Variants in MEIKIN observed in about 807,000 individuals in gnomAD.
MEIKIN encodes meiosis-specific kinetochore protein.
chr5:131,901,413 C>G (rs757691111), intron 8 of MEIKIN, among the ~76,000 whole-genome samples: 107 of 152,272 alleles, frequency 7.0e-4, no homozygotes, highest in Non-Finnish European at 1.0e-3. Context: ...CCTGTTCCCC[C>G]CTGTGCCATG....
At chr5:131,860,754 CTTTTTTTTTTTTT>C (rs35117395) in intron 9 of MEIKIN, among the ~76,000 whole-genome samples, 3 of 51,014 alleles carry the variant, frequency 5.9e-5, no homozygotes, top group African/African-American at 2.6e-4. Context: ...GCCTGTTTGG[CTTTTTTTTTTTTT>C]TTTTTTTTTT....
chr5:131,939,371 CTT>C (rs544899220), intron 4 of MEIKIN, among the ~76,000 whole-genome samples: 2 of 143,306 alleles, frequency 1.4e-5, no homozygotes. Flanking sequence ...TAGTTTTCAG[CTT>C]TTTTTTTTTT....
chr5:131,941,237 C>T (rs757769766), intron 4 of MEIKIN, among the ~76,000 whole-genome samples: 9 of 130,524 alleles, frequency 6.9e-5, no homozygotes, highest in Non-Finnish European at 1.1e-4. Flanking sequence ...TGGCTCACTG[C>T]AACCTCCGCC....
chr5:131,859,791 A>G (rs146067167), intron 9 of MEIKIN, among the ~76,000 whole-genome samples: 5 of 152,262 alleles, frequency 3.3e-5, no homozygotes, highest in African/African-American at 9.6e-5. Flanking sequence ...TTTTCTGAGC[A>G]TCGTTTACTG....
intron 12 of MEIKIN, among the ~76,000 whole-genome samples, chr5:131,813,842 T>C (rs1310539329): frequency 1.3e-5 from 2 of 152,060 alleles, no homozygotes; most frequent in Non-Finnish European, 2.9e-5. Context: ...ACAATATATA[T>C]ACATAAAAGG....
rs555213968 is a variant in MEIKIN at position 131,945,653 on chromosome 5, G to A, written c.-148C>T. On this transcript the variant is annotated 5_prime_UTR_variant, in exon 1 of 13. Transcript: ENST00000442687. ...AGCAACTAATCGAGCGAAAGCAAAA[G>A]CCCCAGAACTGGAGCCGCCGGGCCT... 6 of 394,640 alleles carry A rather than the reference G, an allele frequency of 1.5e-5. No homozygotes were observed. Among genetic ancestry groups the A allele is most frequent in the African/African-American group, 1.0e-4 (5 of 48,612 alleles). The allele number at this position is 394,640 out of a possible 1,614,324, so 24.4% of individuals were successfully genotyped here.
chr5:131,874,945 A>C (rs1029834491), intron 9 of MEIKIN, among the ~76,000 whole-genome samples: 3 of 152,118 alleles, frequency 2.0e-5, no homozygotes, highest in Non-Finnish European at 2.9e-5. Flanking sequence ...ATTCAACAAC[A>C]CTTCATGCTA....
At chr5:131,816,084 A>G (rs1264128637) in intron 12 of MEIKIN, among the ~76,000 whole-genome samples, 1 of 152,254 alleles carries the variant, frequency 6.6e-6, no homozygotes, top group African/African-American at 2.4e-5. Context: ...GAAACTTTGT[A>G]TCCTCTTCTG....
At chr5:131,895,316 C>T (rs192788869) in intron 8 of MEIKIN, among the ~76,000 whole-genome samples, 10 of 152,264 alleles carry the variant, frequency 6.6e-5, no homozygotes, top group Admixed American at 2.0e-4. Flanking sequence ...ATTTTCACAT[C>T]GATGTTCATC....
intron 8 of MEIKIN, among the ~76,000 whole-genome samples, chr5:131,903,271 C>T (rs527715971): frequency 1.3e-5 from 2 of 152,118 alleles, no homozygotes; most frequent in Admixed American, 1.3e-4. Flanking sequence ...ACTAGAGAGG[C>T]CAACATTCAA....
chr5:131,926,320 T>C (rs1425341892), intron 5 of MEIKIN, among the ~76,000 whole-genome samples: 1 of 152,222 alleles, frequency 6.6e-6, no homozygotes, highest in Non-Finnish European at 1.5e-5. Flanking sequence ...TTCATTCTGT[T>C]AATGTAGTGT....
chr5:131,875,677 G>A (rs907471353), intron 9 of MEIKIN, among the ~76,000 whole-genome samples: 7 of 152,122 alleles, frequency 4.6e-5, no homozygotes, highest in Non-Finnish European at 8.8e-5. Context: ...AAAAGAGCCC[G>A]CATCGCCAAG....
chr5:131,819,816 C>T, intron 11 of MEIKIN, among the ~76,000 whole-genome samples: 1 of 130,542 alleles, frequency 7.7e-6, no homozygotes, highest in East Asian at 2.2e-4. Flanking sequence ...CGCTCTGTCG[C>T]CCAGGCTGGA....
intron 7 of MEIKIN, among the ~76,000 whole-genome samples, chr5:131,912,567 T>C (rs558256049): frequency 3.9e-5 from 6 of 152,186 alleles, no homozygotes; most frequent in South Asian, 2.1e-4. Flanking sequence ...GAAAACCAAA[T>C]GTGAGAAGGG....
chr5:131,888,982 G>A (rs1750855541), intron 8 of MEIKIN, among the ~76,000 whole-genome samples: 2 of 152,150 alleles, frequency 1.3e-5, no homozygotes, highest in South Asian at 4.1e-4. Context: ...TTTTCCCATT[G>A]CTTGTTTATG....
intron 8 of MEIKIN, among the ~76,000 whole-genome samples, chr5:131,892,773 TGGA>T (rs1425963391): frequency 2.0e-5 from 3 of 152,234 alleles, no homozygotes; most frequent in African/African-American, 4.8e-5. Flanking sequence ...TGCGTTCCTT[TGGA>T]GGAGGAGAGG....
intron 5 of MEIKIN, among the ~76,000 whole-genome samples, chr5:131,923,309 T>C (rs1276318659): frequency 6.6e-6 from 1 of 152,212 alleles, no homozygotes; most frequent in Non-Finnish European, 1.5e-5. Flanking sequence ...TTTCATCTAC[T>C]GTACTAGGCA....
intron 9 of MEIKIN, among the ~76,000 whole-genome samples, chr5:131,866,676 G>T (rs562575631): frequency 6.6e-6 from 1 of 152,194 alleles, no homozygotes; most frequent in Non-Finnish European, 1.5e-5. Flanking sequence ...GTCTGTGGCT[G>T]CCTCTTCAGC....
intron 4 of MEIKIN, among the ~76,000 whole-genome samples, chr5:131,936,096 A>C (rs1355988549): frequency 6.6e-6 from 1 of 152,148 alleles, no homozygotes; most frequent in Non-Finnish European, 1.5e-5. Context: ...AAGCCCCAGA[A>C]CTCAAGCCAG....
Sources: gnomAD v4.1 joint callset for allele counts (sites outside exome capture counted in the v4.1 genomes callset) on GRCh38, gnomAD v4.1.1 for gene constraint, MANE v1.5 for transcripts, NCBI Gene and HGNC (gene_info 2026-07-23, HGNC 2026-07-21) for gene names.